The following SIGLEC5 variants were observed in gnomAD, a reference collection of about 807,000 sequenced individuals.
SIGLEC5 encodes the protein sialic acid-binding Ig-like lectin 5.
In SIGLEC5, 34 loss-of-function variants were observed where a neutral mutation model predicts 45.9. The observed-to-expected ratio is 0.74, with a 90% confidence interval of 0.56 to 0.99. The LOEUF (loss-of-function observed/expected upper bound fraction) is 0.99, where lower values mean the gene tolerates loss of function less well. Among genes scored for constraint, SIGLEC5 ranks in the 50% least tolerant of loss-of-function variants. SIGLEC5 has a pLI of 0.00. For synonymous variants in SIGLEC5, 203 were observed against 258.6 expected (o/e 0.79, Z 2.06); for missense variants, 508 against 629.6 (o/e 0.81, Z 2.07).
intron 8 of SIGLEC5, among the ~76,000 whole-genome samples, chr19:51,615,799 G>T (rs185522409): frequency 1.3e-5 from 2 of 152,128 alleles, no homozygotes; most frequent in Non-Finnish European, 2.9e-5. Context: ...TTTTTGAGAC[G>T]ATGCTTCACT....
At position 51,611,635 on chromosome 19, in the gene SIGLEC5, G is replaced by A. The variant is rs1730098697; in HGVS notation, c.*596C>T. ...GATTCCTATGGGTCTCATAAATGAA[G>A]GACTGGAGCCAAAGGAATATGATGC... On this transcript the variant is annotated 3_prime_UTR_variant, in exon 9 of 9. Coordinates refer to ENST00000683636, the MANE Select transcript of SIGLEC5 (RefSeq NM_003830.4). 6.6e-6 allele frequency among the ~76,000 whole-genome samples: 1 copy of A among 152,198 alleles called. No homozygotes were observed. Among genetic ancestry groups the A allele is most frequent in the Admixed American group, 6.5e-5 (1 of 15,288 alleles).
intron 8 of SIGLEC5, chr19:51,621,297 G>C (rs1211786251): frequency 6.6e-6 from 1 of 152,192 alleles, no homozygotes; most frequent in Non-Finnish European, 1.5e-5. Flanking sequence ...GTTGCCAAAT[G>C]GTGGGGAAAT....
intron 8 of SIGLEC5, among the ~76,000 whole-genome samples, chr19:51,623,865 G>A (rs1236972805): frequency 6.6e-6 from 1 of 152,138 alleles, no homozygotes; most frequent in Non-Finnish European, 1.5e-5. Flanking sequence ...GCATCAATAT[G>A]AGCTTAGGTG....
At position 51,630,304 on chromosome 19, in the gene SIGLEC5, C is replaced by G. The variant is rs1214025007; in HGVS notation, c.32G>C (p.Trp11Ser). 7 of 801,198 alleles carry G rather than the reference C, an allele frequency of 8.7e-6. No individual in the cohort carries two copies. Among genetic ancestry groups the G allele is most frequent in the African/African-American group, 7.5e-5 (3 of 40,032 alleles). The allele number at this position is 801,198 out of a possible 1,614,324, so 49.6% of individuals were successfully genotyped here. A position where few individuals can be genotyped will look rare whatever the true frequency, so the allele number is the denominator to read the frequency against. The change falls in exon 1 of 9, where the codon TGG becomes TCG. Residue 11 changes from tryptophan (W) to serine (S), a missense_variant. Transcript: ENST00000683636. ...TCCTCCCTCAGCTCACTCACCCCCC[C>G]ACAGCAGGGGCAGCAGCAGCAGGGG... is the stretch of plus-strand genomic sequence containing the variant. The part of the protein sequence containing the change: MLPLLLLPLL[W>S]GGSLQEKPVY...
intron 8 of SIGLEC5, among the ~76,000 whole-genome samples, chr19:51,623,909 C>T (rs969829815): frequency 2.6e-5 from 4 of 151,984 alleles, no homozygotes; most frequent in Non-Finnish European, 5.9e-5. Flanking sequence ...TATTATAAGC[C>T]GTCACACCTA....
intron 8 of SIGLEC5, among the ~76,000 whole-genome samples, chr19:51,615,878 G>A (rs1983035222): frequency 6.6e-6 from 1 of 152,220 alleles, no homozygotes; most frequent in Non-Finnish European, 1.5e-5. Context: ...CCAGGTTCAA[G>A]AGATTCCCCT....
At chr19:51,615,788 T>A (rs949149412) in intron 8 of SIGLEC5, among the ~76,000 whole-genome samples, 1 of 152,190 alleles carries the variant, frequency 6.6e-6, no homozygotes, top group Admixed American at 6.5e-5. Context: ...TCATTTCTCT[T>A]TTTTTGAGAC....
intron 8 of SIGLEC5, among the ~76,000 whole-genome samples, chr19:51,624,176 T>G (rs1983394388): frequency 6.6e-6 from 1 of 152,102 alleles, no homozygotes; most frequent in Non-Finnish European, 1.5e-5. Flanking sequence ...ATATATATTA[T>G]AAGCAGGAAA....
chr19:51,615,936 C>G (rs527953279), intron 8 of SIGLEC5, among the ~76,000 whole-genome samples: 1 of 152,316 alleles, frequency 6.6e-6, no homozygotes, highest in East Asian at 1.9e-4. Context: ...GCCACCACAC[C>G]TGGCTAATTT....
At chr19:51,629,243 T>C in intron 3 of SIGLEC5, 115 bp downstream of exon 3, 1 of 1,561,582 alleles carries the variant, frequency 6.4e-7, no homozygotes, top group Non-Finnish European at 8.7e-7. Flanking sequence ...GTTTCTCAAG[T>C]TATTGTTTTG....
intron 8 of SIGLEC5, among the ~76,000 whole-genome samples, chr19:51,623,592 T>C (rs970242202): frequency 2.0e-5 from 3 of 152,134 alleles, no homozygotes; most frequent in Admixed American, 1.3e-4. Flanking sequence ...CATAGTGAGA[T>C]AGTAAAATAG....
In SIGLEC5 at chr19:51,617,080, C is replaced by T. The variant is rs184039609; in HGVS notation, c.1465-4658G>A. On this transcript the variant is annotated intron_variant, in intron 8 of 8. Coordinates refer to ENST00000683636, the MANE Select transcript of SIGLEC5 (RefSeq NM_003830.4). ...ACCATCCTGGCTAAGACGGTGAAAC[C>T]CCGTCTCTACTAAAAATACAAAAAA... is the stretch of plus-strand genomic sequence containing the variant. Among the ~76,000 whole-genome samples, 1,206 of 151,458 alleles carry T rather than the reference C, an allele frequency of 8.0e-3. 11 individuals are homozygous for T. The highest frequency in any genetic ancestry group is 0.028 in the African/African-American group (1,151 of 41,328).
At position 51,612,361 on chromosome 19, in the gene SIGLEC5, G is replaced by A. The variant is rs1380135361; in HGVS notation, c.1526C>T (p.Ala509Val). 1.3e-5 allele frequency: 21 copies of A among 1,613,166 alleles called. No individual in the cohort carries two copies. The highest frequency in any genetic ancestry group is 1.7e-5 in the Non-Finnish European group (20 of 1,179,690). ...CTCCTTTTGTTCTTCCAAGGGAGGG[G>A]CATCCCCAGGAGGAGATGCTTGATC... ...PGDQASPPGDAPPLEEQKELH... is the reference protein window; with the variant it reads ...PGDQASPPGDVPPLEEQKELH... Residue 509 changes from alanine to valine, a missense_variant, in exon 9 of 9, where the codon GCC (alanine) becomes GTC (valine). Coordinates refer to ENST00000683636, the MANE Select transcript of SIGLEC5 (RefSeq NM_003830.4).
intron 4 of SIGLEC5, 29 bp downstream of exon 4, chr19:51,629,009 C>A: frequency 6.2e-7 from 1 of 1,608,610 alleles, no homozygotes; most frequent in South Asian, 1.1e-5. Flanking sequence ...AGAGGCAGGT[C>A]CCAGCTTCAG....
At chr19:51,620,849 G>A (rs1019138708) in intron 8 of SIGLEC5, among the ~76,000 whole-genome samples, 4 of 152,214 alleles carry the variant, frequency 2.6e-5, no homozygotes, top group African/African-American at 9.6e-5. Context: ...AGATCAATGT[G>A]TGATTTTTTT....
chr19:51,618,560 G>A (rs973983212), intron 8 of SIGLEC5, among the ~76,000 whole-genome samples: 2 of 151,484 alleles, frequency 1.3e-5, no homozygotes, highest in Non-Finnish European at 2.9e-5. Context: ...GGGAGGACGA[G>A]GTGGGCAGAT....
In SIGLEC5 at chr19:51,627,229, T is replaced by C; in HGVS notation, c.1302A>G (p.Thr434=). The change falls in exon 7 of 9, where the codon ACA becomes ACG. Residue 434 remains threonine, a synonymous_variant. Transcript: ENST00000683636. ...CACCAAGGGCTGCAGGAACCACTCC[T>C]GTCCCGAGGTTCGATCTCCCTGCAG... ...LLLQGRSNLG[T]GVVPAALGGA... 1 of 1,614,114 alleles carries C rather than the reference T, an allele frequency of 6.2e-7. No individual in the cohort carries two copies. The highest frequency in any genetic ancestry group is 1.7e-5 in the Admixed American group (1 of 60,022).
intron 8 of SIGLEC5, among the ~76,000 whole-genome samples, chr19:51,618,792 C>CAAAAAAAAAAAAAAA (rs398035001): frequency 2.1e-5 from 1 of 48,312 alleles, no homozygotes; most frequent in Non-Finnish European, 3.5e-5. Context: ...ACTCTGTCTC[C>CAAAAAAAAAAAAAAA]AAAAAAAAAA....
intron 8 of SIGLEC5, among the ~76,000 whole-genome samples, chr19:51,622,251 C>A (rs1456872478): frequency 6.6e-6 from 1 of 152,106 alleles, no homozygotes; most frequent in Non-Finnish European, 1.5e-5. Context: ...CCTGCCTCAG[C>A]CTCCCGAGTA....
Sources: gnomAD v4.1 joint callset for allele counts (sites outside exome capture counted in the v4.1 genomes callset) on GRCh38, gnomAD v4.1.1 for gene constraint, MANE v1.5 for transcripts, NCBI Gene and HGNC (gene_info 2026-07-23, HGNC 2026-07-21) for gene names.